Variants in LYRM4 observed in about 807,000 individuals in gnomAD.
LYRM4 encodes the protein LYR motif containing 4, also known as LYR motif-containing protein 4.
LYRM4 carries 9 observed loss-of-function variants against 11.7 expected under a neutral mutation model. That is an observed-to-expected ratio of 0.77 (90% CI 0.46 to 1.34). The LOEUF is 1.34. LYRM4 is among the 40% of genes most tolerant of loss of function. The pLI is 0.00. For synonymous variants in LYRM4, 42 were observed against 40.4 expected, an observed-to-expected ratio of 1.04 and a Z score of -0.15; for missense variants, 133 against 112.5, an observed-to-expected ratio of 1.18 and a Z score of -0.82.
chr6:5,067,795 C>G, the LYRM4 span, among the ~76,000 whole-genome samples: 1 of 152,032 alleles, frequency 6.6e-6, no homozygotes, highest in Non-Finnish European at 1.5e-5. Context: ...ACAAAGTAAG[C>G]AGTATTAAAA....
At chr6:5,071,821 T>C in the LYRM4 span, among the ~76,000 whole-genome samples, 2 of 152,028 alleles carry the variant, frequency 1.3e-5, no homozygotes, top group African/African-American at 4.8e-5. Context: ...TGTGTGTGTT[T>C]TTAGTAGAGA....
chr6:5,161,410 T>TA (rs1164472285), intron 2 of LYRM4, among the ~76,000 whole-genome samples: 1 of 152,268 alleles, frequency 6.6e-6, no homozygotes, highest in Non-Finnish European at 1.5e-5. Context: ...CTATATAACC[T>TA]GTTTTCTTGA....
the LYRM4 span, chr6:5,065,947 C>T: frequency 4.1e-6 from 1 of 242,940 alleles, no homozygotes; most frequent in Non-Finnish European, 8.3e-6. Context: ...ATCCATTGCA[C>T]CAAGTGGAGT....
intron 1 of LYRM4, among the ~76,000 whole-genome samples, chr6:5,230,843 C>T (rs1158358246): frequency 1.3e-5 from 2 of 152,188 alleles, no homozygotes; most frequent in Non-Finnish European, 2.9e-5. Flanking sequence ...ACGTATCAGT[C>T]ATCTACCTTC....
chr6:5,249,008 T>A (rs1046251587), intron 1 of LYRM4, among the ~76,000 whole-genome samples: 1 of 152,248 alleles, frequency 6.6e-6, no homozygotes, highest in Non-Finnish European at 1.5e-5. Flanking sequence ...AGTATATGGT[T>A]CAACAAATTT....
At chr6:5,154,497 C>T (rs1362104302) in intron 2 of LYRM4, among the ~76,000 whole-genome samples, 3 of 152,142 alleles carry the variant, frequency 2.0e-5, no homozygotes, top group South Asian at 2.1e-4. Context: ...CAGAAGACAA[C>T]CCAACACCTC....
At chr6:5,071,586 ATGTG>A in the LYRM4 span, among the ~76,000 whole-genome samples, 6 of 151,028 alleles carry the variant, frequency 4.0e-5, no homozygotes, top group Non-Finnish European at 8.9e-5. Context: ...ATATATGTGT[ATGTG>A]TATGTGTGTG....
intron 1 of LYRM4, among the ~76,000 whole-genome samples, chr6:5,230,642 G>C (rs749814796): frequency 6.6e-6 from 1 of 152,158 alleles, no homozygotes; most frequent in Non-Finnish European, 1.5e-5. Flanking sequence ...ATTAATTCTA[G>C]ATTTTCCACT....
chr6:5,176,157 C>T (rs939323618), intron 2 of LYRM4, among the ~76,000 whole-genome samples: 9 of 151,892 alleles, frequency 5.9e-5, no homozygotes, highest in Admixed American at 2.6e-4. Context: ...CTCTGCCTCC[C>T]GGGTTCAAAC....
intron 1 of LYRM4, among the ~76,000 whole-genome samples, chr6:5,257,867 T>C (rs1382208349): frequency 2.0e-5 from 3 of 152,200 alleles, no homozygotes; most frequent in African/African-American, 7.2e-5. Context: ...GGGCAAAGCA[T>C]GCTTCAGAGA....
chr6:5,086,069 C>T, the LYRM4 span: 3 of 1,471,690 alleles, frequency 2.0e-6, no homozygotes, highest in Non-Finnish European at 2.7e-6. Flanking sequence ...GCGCCGCCTT[C>T]CCGGCTCCGG....
intron 1 of LYRM4, among the ~76,000 whole-genome samples, chr6:5,222,763 A>C (rs1762653991): frequency 2.2e-5 from 1 of 44,634 alleles, no homozygotes; most frequent in Non-Finnish European, 6.1e-5. Context: ...AAGCAAAACA[A>C]GAAAAAAAAA....
chr6:5,092,466 C>T, the LYRM4 span, among the ~76,000 whole-genome samples: 4 of 152,142 alleles, frequency 2.6e-5, no homozygotes, highest in East Asian at 7.7e-4. Context: ...AATCCCAGCA[C>T]TTTCGGAGGC....
intron 2 of LYRM4, among the ~76,000 whole-genome samples, chr6:5,206,340 G>A (rs1014416227): frequency 9.2e-5 from 14 of 152,196 alleles, no homozygotes; most frequent in African/African-American, 3.1e-4. Context: ...AGGTCTCCTG[G>A]CTCGCTGGGC....
rs1011791141 is a variant in LYRM4 at position 5,260,899 on chromosome 6, G to A, written c.-166C>T. 19 of 1,397,640 alleles carry A rather than the reference G, an allele frequency of 1.4e-5. 1 individual carries two copies. In the Admixed American group the frequency reaches 2.5e-4, roughly 18 times the overall value. 86.6% of individuals were successfully genotyped at this position (1,397,640 alleles called of 1,614,324 possible). On this transcript the variant is annotated 5_prime_UTR_variant, in exon 1 of 3. Transcript: ENST00000330636. ...CTAAGCGGGCAGCCCTGCGGATCGC[G>A]GACGGCGCCAGGCGTCCCGCGCCGC...
At chr6:5,177,512 C>G (rs940374174) in intron 2 of LYRM4, among the ~76,000 whole-genome samples, 1 of 152,206 alleles carries the variant, frequency 6.6e-6, no homozygotes, top group Non-Finnish European at 1.5e-5. Context: ...ATTCAGGTGA[C>G]CATTGTTGAA....
the LYRM4 span, chr6:5,085,853 G>A: frequency 6.5e-7 from 1 of 1,529,832 alleles, no homozygotes; most frequent in South Asian, 1.2e-5. Context: ...GGCCCGGGCG[G>A]CTGCTGCGCC....
At chr6:5,150,932 CCTGA>C (rs1758051707) in intron 2 of LYRM4, among the ~76,000 whole-genome samples, 1 of 152,116 alleles carries the variant, frequency 6.6e-6, no homozygotes, top group Non-Finnish European at 1.5e-5. Flanking sequence ...TTTCTCCCTT[CCTGA>C]CTTTTAATCT....
rs1561899186 is a variant in LYRM4 at position 5,245,152 on chromosome 6, AT to A, written c.86+15495del. ...TATATATATATATATATATATATAT[AT>A]ATATATATATAAAATAGGTGAATTT... On this transcript the variant is annotated intron_variant, in intron 1 of 2. Coordinates refer to ENST00000330636, the MANE Select transcript of LYRM4 (RefSeq NM_020408.6). 6.1e-4 allele frequency among the ~76,000 whole-genome samples: 64 copies of A among 104,138 alleles called. 2 individuals are homozygous for A. The highest frequency in any genetic ancestry group is 1.2e-3 in the African/African-American group (35 of 28,014). 68.3% of individuals were successfully genotyped at this position (104,138 alleles called of 152,430 possible).
Sources: gnomAD v4.1 joint callset for allele counts (sites outside exome capture counted in the v4.1 genomes callset) on GRCh38, gnomAD v4.1.1 for gene constraint, MANE v1.5 for transcripts, NCBI Gene and HGNC (gene_info 2026-07-23, HGNC 2026-07-21) for gene names.